The following OXGR1 variants were observed in gnomAD, a reference collection of about 807,000 sequenced individuals.
OXGR1 encodes the protein 2-oxoglutarate receptor 1.
A neutral mutation model predicts 10.0 loss-of-function variants in OXGR1; 10 were observed. The observed-to-expected ratio is 1.00, with a 90% CI of 0.62 to 1.70. The LOEUF is 1.70. OXGR1 is among the 40% of genes most tolerant of loss of function. OXGR1 has a pLI of 0.00. For missense variants in OXGR1, 398 were observed against 407.6 expected (o/e 0.98, Z 0.20); for synonymous variants, 191 against 155.9 (o/e 1.22, Z -1.68).
chr13:96,993,453 C>T (rs573497788), intron 1 of OXGR1, among the ~76,000 whole-genome samples: 3 of 152,158 alleles, frequency 2.0e-5, no homozygotes, highest in African/African-American at 7.2e-5. Flanking sequence ...AACTACTGAC[C>T]TCAGGTGATC....
At position 96,993,907 on chromosome 13, in the gene OXGR1, T is replaced by A. The variant is rs75436358; in HGVS notation, c.-278+391A>T. 2.8e-3 allele frequency among the ~76,000 whole-genome samples: 428 copies of A among 152,074 alleles called. 18 individuals are homozygous for A. The East Asian group carries it at 0.074, about 26-fold the overall frequency. On this transcript the variant is annotated intron_variant, in intron 1 of 3. Coordinates refer to ENST00000541038, the MANE Select transcript of OXGR1 (RefSeq NM_001346194.2). ...TTGAGAACATTCAGCAGGGCGGTGA[T>A]CAATGGGGTGAGGGATTAACTCTGT...
At chr13:96,988,643 A>T (rs896605505) in intron 3 of OXGR1, among the ~76,000 whole-genome samples, 1 of 152,124 alleles carries the variant, frequency 6.6e-6, no homozygotes, top group Admixed American at 6.5e-5. Context: ...GGCCATTAGG[A>T]GGCTGAGCCC....
Position 96,986,650 on chromosome 13 carries a change from T to C in OXGR1, c.*96A>G. Reference sequence around the variant, plus strand: ...CATGATTACTTGAATACACAGTATTTACCAGGAGTTCCATTGAGGGAGACA... The same window carrying C: ...CATGATTACTTGAATACACAGTATTCACCAGGAGTTCCATTGAGGGAGACA... On this transcript the variant is annotated 3_prime_UTR_variant, in exon 4 of 4. Coordinates refer to ENST00000541038, the MANE Select transcript of OXGR1 (RefSeq NM_001346194.2). The C allele has an allele frequency of 7.7e-7, 1 of 1,302,022 alleles. No homozygotes were observed. The highest frequency in any genetic ancestry group is 1.1e-6 in the Non-Finnish European group (1 of 950,630). The allele number at this position is 1,302,022 out of a possible 1,614,324, so 80.7% of individuals were successfully genotyped here. A position where few individuals can be genotyped will look rare whatever the true frequency, so the allele number is the denominator to read the frequency against.
chr13:96,991,153 A>G (rs1006916148), intron 2 of OXGR1, among the ~76,000 whole-genome samples: 2 of 152,172 alleles, frequency 1.3e-5, no homozygotes, highest in African/African-American at 4.8e-5. Context: ...TTGAATGAAG[A>G]CTGACTAGCC....
rs1273910827 is a variant in OXGR1 at position 96,985,940 on chromosome 13, AAC to A, written c.*804_*805del. On this transcript the variant is annotated 3_prime_UTR_variant, in exon 4 of 4. Transcript: ENST00000541038. ...TGGAATATTTTCCCACAAAAATCAA[AAC>A]AGTGTTAGATATGATTGAACACCCA... The A allele has an allele frequency of 2.0e-5, 3 of 152,246 alleles. No homozygotes were observed. Among genetic ancestry groups the A allele is most frequent in the Admixed American group, 6.5e-5 (1 of 15,290 alleles). 9.4% of individuals were successfully genotyped at this position (152,246 alleles called of 1,614,324 possible).
chr13:96,993,423 T>C (rs925150623), intron 1 of OXGR1, among the ~76,000 whole-genome samples: 1 of 152,050 alleles, frequency 6.6e-6, no homozygotes, highest in African/African-American at 2.4e-5. Context: ...TTCACCAGCC[T>C]GTTGGCCAGG....
Position 96,987,740 on chromosome 13 carries a change from T to C in OXGR1, c.20A>G (p.Tyr7Cys). ...GGGGAAATCAGAAGCATTTGCTAAATAGTCTAGTGGCTCATTCATGGTTGT... is the reference window on the plus strand; with the variant it reads ...GGGGAAATCAGAAGCATTTGCTAAACAGTCTAGTGGCTCATTCATGGTTGT... MNEPLDYLANASDFPDY... is the reference protein window; with the variant it reads MNEPLDCLANASDFPDY... Residue 7 changes from tyrosine (Y) to cysteine (C), a missense_variant, in exon 4 of 4, where the codon TAT becomes TGT. By Grantham distance (194) the Tyr-to-Cys change is radical (BLOSUM62 -2). Coordinates refer to ENST00000541038, the MANE Select transcript of OXGR1 (RefSeq NM_001346194.2). 1 of 1,597,720 alleles carries C rather than the reference T, an allele frequency of 6.3e-7. No individual in the cohort carries two copies. The highest frequency in any genetic ancestry group is 8.5e-7 in the Non-Finnish European group (1 of 1,170,922).
At chr13:96,988,025 T>G (rs181280773) in intron 3 of OXGR1, among the ~76,000 whole-genome samples, 192 bp from the exon 4 acceptor site, 76 of 152,210 alleles carry the variant, frequency 5.0e-4, no homozygotes, top group African/African-American at 1.8e-3. Context: ...CTAATAAAAA[T>G]ATAAAAGTTA....
chr13:96,987,077 C>T lies in OXGR1; in HGVS notation c.683G>A (p.Gly228Glu). The T allele has an allele frequency of 3.1e-6, 5 of 1,614,180 alleles. No homozygotes were observed. Among genetic ancestry groups the T allele is most frequent in the Non-Finnish European group, 4.2e-6 (5 of 1,180,022 alleles). Residue 228 changes from glycine (G) to glutamate (E), a missense_variant, in exon 4 of 4, where the codon GGA becomes GAA. Coordinates refer to ENST00000541038, the MANE Select transcript of OXGR1 (RefSeq NM_001346194.2). ...YTTIIHTLTHGLQTDSCLKQK... is the reference protein window; with the variant it reads ...YTTIIHTLTHELQTDSCLKQK... ...CTTAAGGCAGCTGTCAGTTTGCAGT[C>T]CATGGGTCAGAGTGTGGATAATCGT...
At position 96,988,082 on chromosome 13, in the gene OXGR1, T is replaced by C. The variant is rs28394367; in HGVS notation, c.-74-249A>G. ...GAGGGATTGGGAGAAAAAAGCCACA[T>C]GTCGCTTTGGAAAACAATTTGGCAA... On this transcript the variant is annotated intron_variant, in intron 3 of 3. Coordinates refer to ENST00000541038, the MANE Select transcript of OXGR1 (RefSeq NM_001346194.2). Among the ~76,000 whole-genome samples the C allele has an allele frequency of 8.2e-3, 1,248 of 152,288 alleles. 12 individuals are homozygous for C. Among genetic ancestry groups the C allele is most frequent in the African/African-American group, 0.028 (1,172 of 41,550 alleles).
At chr13:96,994,035 C>T (rs574884371) in intron 1 of OXGR1, among the ~76,000 whole-genome samples, 1 of 152,320 alleles carries the variant, frequency 6.6e-6, no homozygotes, top group South Asian at 2.1e-4. Context: ...CCAGTTCTCT[C>T]CAAGTCAAAT....
At chr13:96,990,088 C>T (rs1018571714) in intron 2 of OXGR1, among the ~76,000 whole-genome samples, 1 of 152,180 alleles carries the variant, frequency 6.6e-6, no homozygotes, top group African/African-American at 2.4e-5. Flanking sequence ...ATTCATGAAA[C>T]TATCATCTAC....
chr13:96,987,804 G>A lies in OXGR1; in HGVS notation c.-45C>T. On this transcript the variant is annotated 5_prime_UTR_variant, in exon 4 of 4. Transcript: ENST00000541038. ...GCAAGAAAACAAGAGAGTTCAGTTT[G>A]GCAATATGAATCAAATGAGCAGTAA... 2 of 1,515,414 alleles carry A rather than the reference G, an allele frequency of 1.3e-6. No homozygotes were observed. Among genetic ancestry groups the A allele is most frequent in the Admixed American group, 2.3e-5 (1 of 44,186 alleles). The allele number at this position is 1,515,414 out of a possible 1,614,324, so 93.9% of individuals were successfully genotyped here. A position where few individuals can be genotyped will look rare whatever the true frequency, so the allele number is the denominator to read the frequency against.
intron 1 of OXGR1, 36 bp from the exon 2 acceptor site, chr13:96,992,608 C>T (rs1882112931): frequency 6.6e-6 from 1 of 152,140 alleles, no homozygotes; most frequent in Admixed American, 6.5e-5. Flanking sequence ...AAATGCTATC[C>T]AGTTAAGTGG....
Position 96,986,601 on chromosome 13 carries a change from A to G in OXGR1, c.*145T>C. The stretch of plus-strand genomic sequence containing the variant: ...CTCAATAAAGGGATTGCAAAGAACT[A>G]GAAGCTCTGCCCTGGCTTTGGCACA... On this transcript the variant is annotated 3_prime_UTR_variant, in exon 4 of 4. Coordinates refer to ENST00000541038, the MANE Select transcript of OXGR1 (RefSeq NM_001346194.2). 2.5e-6 allele frequency: 2 copies of G among 803,916 alleles called. No individual in the cohort carries two copies. The highest frequency in any genetic ancestry group is 1.9e-6 in the Non-Finnish European group (1 of 518,704). 49.8% of individuals were successfully genotyped at this position (803,916 alleles called of 1,614,324 possible).
chr13:96,987,795 G>A lies in OXGR1; in HGVS notation c.-36C>T. 1.3e-6 allele frequency: 2 copies of A among 1,524,108 alleles called. No homozygotes were observed. The highest frequency in any genetic ancestry group is 2.3e-5 in the East Asian group (1 of 44,004). 94.4% of individuals were successfully genotyped at this position (1,524,108 alleles called of 1,614,324 possible). A position where few individuals can be genotyped will look rare whatever the true frequency, so the allele number is the denominator to read the frequency against. ...TTTCATCTTGCAAGAAAACAAGAGA[G>A]TTCAGTTTGGCAATATGAATCAAAT... On this transcript the variant is annotated 5_prime_UTR_variant, in exon 4 of 4. Coordinates refer to ENST00000541038, the MANE Select transcript of OXGR1 (RefSeq NM_001346194.2).
rs550534499 is a variant in OXGR1, at chr13:96,987,660, G to A, written c.100C>T (p.His34Tyr). Residue 34 changes from histidine to tyrosine, a missense_variant, in exon 4 of 4, where the codon CAC becomes TAC. By Grantham distance (83) the His-to-Tyr change is moderately conservative (BLOSUM62 2). Transcript: ENST00000541038. ...CTDENIPLKM[H>Y]YLPVIYGIIF... ...ATGCCATAAATAACAGGGAGGTAGT[G>A]CATCTTGAGTGGGATGTTTTCATCA... 5 of 1,614,144 alleles carry A rather than the reference G, an allele frequency of 3.1e-6. No individual in the cohort carries two copies. The East Asian group carries it at 8.9e-5, about 29-fold the overall frequency.
chr13:96,988,091 G>A (rs1303216883), intron 3 of OXGR1, among the ~76,000 whole-genome samples: 3 of 152,164 alleles, frequency 2.0e-5, no homozygotes, highest in African/African-American at 7.2e-5. Context: ...ATGTCGCTTT[G>A]GAAAACAATT....
In OXGR1 at chr13:96,986,267, G is replaced by T. The variant is rs1243088137; in HGVS notation, c.*479C>A. The stretch of plus-strand genomic sequence containing the variant: ...AAGGAAACAAATTGTAGAGCTCTGA[G>T]ATGTAAAAAATAAATATTAAGAAAG... On this transcript the variant is annotated 3_prime_UTR_variant, in exon 4 of 4. Transcript: ENST00000541038. 6.5e-6 allele frequency: 1 copy of T among 154,498 alleles called. No homozygotes were observed. The highest frequency in any genetic ancestry group is 2.4e-5 in the African/African-American group (1 of 41,446). The allele number at this position is 154,498 out of a possible 1,614,324, so 9.6% of individuals were successfully genotyped here. A position where few individuals can be genotyped will look rare whatever the true frequency, so the allele number is the denominator to read the frequency against.
Sources: gnomAD v4.1 joint callset for allele counts (sites outside exome capture counted in the v4.1 genomes callset) on GRCh38, gnomAD v4.1.1 for gene constraint, MANE v1.5 for transcripts, NCBI Gene and HGNC (gene_info 2026-07-23, HGNC 2026-07-21) for gene names.